Variants in MIS18BP1 observed in about 807,000 individuals in gnomAD.
MIS18BP1 encodes mis18-binding protein 1.
A neutral mutation model predicts 116.1 loss-of-function variants in MIS18BP1; 72 were observed. The ratio of observed to expected loss-of-function variants is 0.62; its 90% confidence interval spans 0.51 to 0.75. The LOEUF is 0.75. MIS18BP1 is among the 30% of genes least tolerant of loss of function. MIS18BP1 has a pLI of 0.00. For missense variants in MIS18BP1, 1,363 were observed against 1,303.2 expected (o/e 1.05, Z -0.71); for synonymous variants, 386 against 427.0 (o/e 0.90, Z 1.18).
Position 45,224,072 on chromosome 14 carries a change from C to T in MIS18BP1, c.2515G>A (p.Val839Ile), listed in dbSNP as rs200663005. ...CCAGACTTCTGAAGAGTTTCTTTGA[C>T]GGAAGGTCTAGCTTTCTTTTGTTTG... ...YIKQKKARPS[V>I]KETLQKSGVR... The change falls in exon 11 of 17, where the codon GTC becomes ATC. Residue 839 changes from valine (V) to isoleucine (I), a missense_variant. Physicochemically the swap from Val to Ile is conservative, Grantham distance 29 (BLOSUM62 3). Transcript: ENST00000310806. 105 of 1,613,450 alleles carry T rather than the reference C, an allele frequency of 6.5e-5. No homozygotes were observed. The highest frequency in any genetic ancestry group is 1.6e-4 in the Middle Eastern group (1 of 6,078).
intron 11 of MIS18BP1, 43 bp from the exon 12 acceptor site, chr14:45,218,497 C>A: frequency 6.5e-7 from 1 of 1,531,922 alleles, no homozygotes; most frequent in Non-Finnish European, 8.8e-7. Context: ...AAATTCAAAC[C>A]AATGACAATA....
chr14:45,206,185 A>G lies in MIS18BP1; in HGVS notation c.3153-15T>C. On this transcript the variant is annotated splice_polypyrimidine_tract_variant and intron_variant, in intron 14 of 16. Coordinates refer to ENST00000310806, the MANE Select transcript of MIS18BP1 (RefSeq NM_018353.5). ...CACAGTCATTCCTGTTTGAATACGA[A>G]ATAATTTTAAGTCAACAATATTTTT... 1 of 1,529,706 alleles carries G rather than the reference A, an allele frequency of 6.5e-7. No individual in the cohort carries two copies. Among genetic ancestry groups the G allele is most frequent in the Non-Finnish European group, 9.0e-7 (1 of 1,112,166 alleles). The allele number at this position is 1,529,706 out of a possible 1,614,324, so 94.8% of individuals were successfully genotyped here.
chr14:45,247,420 A>C, intron 1 of MIS18BP1, 43 bp from the exon 2 acceptor site: 1 of 658,720 alleles, frequency 1.5e-6, no homozygotes, highest in Non-Finnish European at 2.4e-6. Flanking sequence ...GCTTTGGTGC[A>C]GAAAATGTTT....
rs1376923670 is a variant in MIS18BP1, at chr14:45,246,868, T to C, written c.419A>G (p.Gln140Arg). 2 of 1,612,666 alleles carry C rather than the reference T, an allele frequency of 1.2e-6. No homozygotes were observed. Among genetic ancestry groups the C allele is most frequent in the Non-Finnish European group, 1.7e-6 (2 of 1,179,748 alleles). ...GAAGGTTTCATTATTTCCACTTTTC[T>C]GTGGTTCCAACAAACTACTGTTTCT... ...PSRNSSLLEP[Q>R]KSGNNETFTP... Residue 140 changes from glutamine (Q) to arginine (R), a missense_variant, in exon 2 of 17, where the codon CAG (glutamine) becomes CGG (arginine). Coordinates refer to ENST00000310806, the MANE Select transcript of MIS18BP1 (RefSeq NM_018353.5).
intron 2 of MIS18BP1, among the ~76,000 whole-genome samples, chr14:45,243,256 C>G (rs1426298981): frequency 1.3e-5 from 2 of 152,098 alleles, no homozygotes; most frequent in Non-Finnish European, 2.9e-5. Context: ...AATTCCGATT[C>G]TGTTTCTGGT....
rs1374841960 is a variant in MIS18BP1, at chr14:45,218,366, T to C, written c.2758A>G (p.Arg920Gly). ...CCTCTGGGATTTTCCATGTATTTCCTCTGGCATTCTTCAGGAGATCGAGAA... is the reference window on the plus strand; with the variant it reads ...CCTCTGGGATTTTCCATGTATTTCCCCTGGCATTCTTCAGGAGATCGAGAA... ...VGSRSPEECQRKYMENPRGKG... is the reference protein window; with the variant it reads ...VGSRSPEECQGKYMENPRGKG... The change falls in exon 12 of 17, where the codon AGG (arginine) becomes GGG (glycine). Residue 920 changes from arginine (R) to glycine (G), a missense_variant. Transcript: ENST00000310806. 6.2e-7 allele frequency: 1 copy of C among 1,613,984 alleles called. No homozygotes were observed. The highest frequency in any genetic ancestry group is 8.5e-7 in the Non-Finnish European group (1 of 1,180,020).
At chr14:45,223,033 G>A (rs1891015678) in intron 11 of MIS18BP1, among the ~76,000 whole-genome samples, 1 of 152,110 alleles carries the variant, frequency 6.6e-6, no homozygotes, top group Non-Finnish European at 1.5e-5. Flanking sequence ...AGCCCCTGCA[G>A]GATTGCATGG....
At chr14:45,245,944 T>G (rs1292050598) in intron 2 of MIS18BP1, among the ~76,000 whole-genome samples, 3 of 152,178 alleles carry the variant, frequency 2.0e-5, no homozygotes, top group Non-Finnish European at 4.4e-5. Flanking sequence ...GAGCCCGCAC[T>G]CCATTCCTCC....
At chr14:45,241,781 C>T (rs1891580905) in intron 4 of MIS18BP1, 2 of 345,858 alleles carry the variant, frequency 5.8e-6, no homozygotes, top group Admixed American at 4.5e-5. Context: ...TTATTGAAGA[C>T]TACACAACTA....
At chr14:45,218,243 C>T (rs771487416) in intron 12 of MIS18BP1, 39 bp downstream of exon 12, 5 of 1,582,962 alleles carry the variant, frequency 3.2e-6, no homozygotes, top group South Asian at 1.1e-5. Flanking sequence ...GAAATCAACA[C>T]TGAGTACTAG....
intron 13 of MIS18BP1, among the ~76,000 whole-genome samples, chr14:45,213,190 C>T (rs1263959919): frequency 6.6e-6 from 1 of 152,170 alleles, no homozygotes; most frequent in Non-Finnish European, 1.5e-5. Flanking sequence ...AGGCATAAGC[C>T]AGCACACCCG....
intron 3 of MIS18BP1, 116 bp downstream of exon 3, chr14:45,242,645 C>G: frequency 6.9e-7 from 1 of 1,455,118 alleles, no homozygotes; most frequent in Non-Finnish European, 9.2e-7. Context: ...GTCTCTTTTA[C>G]GATTCAAGCT....
chr14:45,246,377 G>C (rs528389992), intron 2 of MIS18BP1, among the ~76,000 whole-genome samples: 30 of 152,248 alleles, frequency 2.0e-4, no homozygotes, highest in African/African-American at 6.5e-4. Context: ...CAGCTGCCTA[G>C]ATCATCCTTC....
At chr14:45,214,997 C>T (rs1890777089) in intron 13 of MIS18BP1, among the ~76,000 whole-genome samples, 1 of 152,192 alleles carries the variant, frequency 6.6e-6, no homozygotes, top group South Asian at 2.1e-4. Context: ...GTGATCTGCC[C>T]ACCTTGGCCT....
intron 8 of MIS18BP1, among the ~76,000 whole-genome samples, chr14:45,230,466 A>C (rs1891243671): frequency 6.6e-6 from 1 of 152,172 alleles, no homozygotes; most frequent in Non-Finnish European, 1.5e-5. Flanking sequence ...CGTAGGAATG[A>C]AATTTAGTAC....
At chr14:45,246,669 G>C (rs964702235) in intron 2 of MIS18BP1, 74 bp downstream of exon 2, 1 of 1,400,116 alleles carries the variant, frequency 7.1e-7, no homozygotes, top group Non-Finnish European at 9.6e-7. Flanking sequence ...GCTATATTCT[G>C]AGCACCTAAA....
rs534346224 is a variant in MIS18BP1 at position 45,233,936 on chromosome 14, T to C, written c.1349-1116A>G. On this transcript the variant is annotated intron_variant, in intron 6 of 16. Transcript: ENST00000310806. ...GCATTCATCATCATATAAATTATAT[T>C]TAATGACTAAAAGGAATCAGCATAC... Among the ~76,000 whole-genome samples, 167 of 152,206 alleles carry C rather than the reference T, an allele frequency of 1.1e-3. 1 individual carries two copies. Among genetic ancestry groups the C allele is most frequent in the Admixed American group, 2.2e-3 (34 of 15,286 alleles).
Position 45,206,084 on chromosome 14 carries a change from A to G in MIS18BP1, c.3239T>C (p.Leu1080Ser). The G allele has an allele frequency of 1.3e-6, 2 of 1,577,224 alleles. No individual in the cohort carries two copies. Among genetic ancestry groups the G allele is most frequent in the Non-Finnish European group, 1.7e-6 (2 of 1,150,152 alleles). The change falls in exon 15 of 17, where the codon TTA (leucine) becomes TCA (serine). Residue 1080 changes from leucine (L) to serine (S), a missense_variant and splice_region_variant. Physicochemically the swap from Leu to Ser is moderately radical, Grantham distance 145. Transcript: ENST00000310806. ...GIVWGNIKKK[L>S]VETDFSTPTP... ...TATTGGATAAAGAAAAATACTTACT[A>G]ATTTTTTCTTGATGTTGCCCCAGAC...
chr14:45,208,330 G>GTTT (rs1166566812), intron 14 of MIS18BP1, among the ~76,000 whole-genome samples: 30 of 120,912 alleles, frequency 2.5e-4, no homozygotes, highest in East Asian at 7.3e-4. Context: ...GGATGAAGTT[G>GTTT]TTTTTTTTTT....
Sources: allele counts gnomAD v4.1 joint callset (sites outside exome capture counted in the v4.1 genomes callset), GRCh38; gene constraint gnomAD v4.1.1; transcripts MANE v1.5; gene names NCBI Gene and HGNC (gene_info 2026-07-23, HGNC 2026-07-21).